Variants in SH3BP4 observed in about 807,000 individuals in gnomAD.
SH3BP4 encodes the protein SH3 domain binding protein 4, also known as SH3 domain-binding protein 4.
SH3BP4 carries 33 observed loss-of-function variants against 65.5 expected under a neutral mutation model. That is an observed-to-expected ratio of 0.50 (90% confidence interval 0.38 to 0.67). The LOEUF is 0.67. Ranked by LOEUF, SH3BP4 falls within the 30% of genes least tolerant of loss-of-function variation. The pLI is 0.00. For missense variants in SH3BP4, 1,134 were observed against 1,261.4 expected (o/e 0.90, Z 1.53); for synonymous variants, 552 against 545.5 (o/e 1.01, Z -0.17).
At chr2:234,975,286 C>T (rs1414532690) in intron 1 of SH3BP4, among the ~76,000 whole-genome samples, 1 of 152,138 alleles carries the variant, frequency 6.6e-6, no homozygotes, top group Non-Finnish European at 1.5e-5. Context: ...GGTGCTATGG[C>T]TGGAGCTGCT....
chr2:235,020,911 G>A (rs144759676), intron 2 of SH3BP4, among the ~76,000 whole-genome samples: 38 of 152,296 alleles, frequency 2.5e-4, no homozygotes, highest in Non-Finnish European at 4.6e-4. Context: ...TCTAGGCAGA[G>A]TGTCCCACCC....
At chr2:234,988,591 T>C (rs1478674344) in intron 1 of SH3BP4, among the ~76,000 whole-genome samples, 1 of 152,116 alleles carries the variant, frequency 6.6e-6, no homozygotes, top group African/African-American at 2.4e-5. Flanking sequence ...TGTCTCATTG[T>C]CCTCCCGTCT....
In SH3BP4 at chr2:235,030,315, T is replaced by C. The variant is rs1017612693; in HGVS notation, c.-132-4556T>C. ...AGTTAGCAAGACTGGGAGCAGAGAG[T>C]GTTTTGTCAGGCTCACATCTTGGCT... On this transcript the variant is annotated intron_variant, in intron 2 of 5. Coordinates refer to ENST00000392011, the MANE Select transcript of SH3BP4 (RefSeq NM_014521.3). The surrounding 1 kb of genome is among the most constrained non-coding windows in gnomAD (Gnocchi z 4.1). Among the ~76,000 whole-genome samples, 1 of 151,506 alleles carries C rather than the reference T, an allele frequency of 6.6e-6. No homozygotes were observed. Among genetic ancestry groups the C allele is most frequent in the African/African-American group, 2.4e-5 (1 of 41,220 alleles).
intron 2 of SH3BP4, among the ~76,000 whole-genome samples, chr2:235,010,678 G>C (rs1334425583): frequency 6.6e-6 from 1 of 152,172 alleles, no homozygotes; most frequent in Non-Finnish European, 1.5e-5. Flanking sequence ...GCTGGAGCCT[G>C]AAAGCAAGAT....
Position 235,052,617 on chromosome 2 carries a change from T to TA in SH3BP4, c.2534_2535insA (p.Leu846AlafsTer17). 1 of 1,562,644 alleles carries TA rather than the reference T, an allele frequency of 6.4e-7. No individual in the cohort carries two copies. Among genetic ancestry groups the TA allele is most frequent in the Non-Finnish European group, 8.7e-7 (1 of 1,153,852 alleles). ...GTGGTCAGACTCATCCAGGACTTTG[T>TA]GCTCCTGACCACGGCTGTAGAGGTG... On this transcript the variant is annotated frameshift_variant, in exon 5 of 6. Transcript: ENST00000392011. LOFTEE classifies it high-confidence loss of function. This position sits in a 1 kb window ranked among gnomAD's most constrained non-coding sequence, Gnocchi z 5.0.
At chr2:235,010,467 T>C (rs1559242679) in intron 2 of SH3BP4, among the ~76,000 whole-genome samples, 11 of 152,154 alleles carry the variant, frequency 7.2e-5, no homozygotes, top group Non-Finnish European at 2.9e-5. Context: ...ATTTGTGAAA[T>C]AGAGGTCATA....
At chr2:235,027,446 C>T (rs1227409119) in intron 2 of SH3BP4, among the ~76,000 whole-genome samples, 6 of 149,662 alleles carry the variant, frequency 4.0e-5, no homozygotes, top group South Asian at 2.2e-4. Flanking sequence ...CCTGCTGGGG[C>T]GGAATGTCTG....
chr2:235,038,307 A>AT (rs1695479030), intron 3 of SH3BP4, among the ~76,000 whole-genome samples: 5 of 14,236 alleles, frequency 3.5e-4, no homozygotes, highest in African/African-American at 1.9e-3. Context: ...TATTATATAT[A>AT]TATATTATAT....
chr2:234,985,425 C>T (rs748876855), intron 1 of SH3BP4, among the ~76,000 whole-genome samples: 1 of 152,172 alleles, frequency 6.6e-6, no homozygotes, highest in South Asian at 2.1e-4. Flanking sequence ...CGCATCTCAC[C>T]TGCATACACA....
Position 234,977,248 on chromosome 2 carries a change from G to T in SH3BP4, c.-206-18055G>T, listed in dbSNP as rs114910072. Among the ~76,000 whole-genome samples, 1,558 of 152,308 alleles carry T rather than the reference G, an allele frequency of 0.01. 28 individuals are homozygous for T. The highest frequency in any genetic ancestry group is 0.035 in the African/African-American group (1,473 of 41,586). ...ACTGGGCACCTCCTGCCGGGGAGAA[G>T]CTCAGGGTCCCCATTTCCTGGCCGG... is the stretch of plus-strand genomic sequence containing the variant. On this transcript the variant is annotated intron_variant, in intron 1 of 5. Transcript: ENST00000392011. The surrounding 1 kb of genome is among the most constrained non-coding windows in gnomAD (Gnocchi z 5.1).
chr2:235,003,142 C>T lies in SH3BP4; in HGVS notation c.-133+7766C>T, dbSNP rs188086226. On this transcript the variant is annotated intron_variant, in intron 2 of 5. Coordinates refer to ENST00000392011, the MANE Select transcript of SH3BP4 (RefSeq NM_014521.3). ...TATCACACGTGAATAGGCTTCTGAT[C>T]GAATAAGCCCAGGGCTTCGGTGGAT... 3.5e-3 allele frequency among the ~76,000 whole-genome samples: 534 copies of T among 152,354 alleles called. 4 individuals carry two copies. Among genetic ancestry groups the T allele is most frequent in the African/African-American group, 0.012 (514 of 41,592 alleles).
rs567784108 is a variant in SH3BP4, at chr2:235,022,692, G to A, written c.-132-12179G>A. The stretch of plus-strand genomic sequence containing the variant: ...AGTTAGGGGTGAGAACTGGACACCC[G>A]CCGCTGTTGAGAGGATGGATTGTCA... On this transcript the variant is annotated intron_variant, in intron 2 of 5. Transcript: ENST00000392011. Among the ~76,000 whole-genome samples the A allele has an allele frequency of 3.9e-5, 6 of 152,212 alleles. No homozygotes were observed. The South Asian group carries it at 6.2e-4, about 16-fold the overall frequency.
In SH3BP4 at chr2:235,042,811, A is replaced by ATCC. The variant is rs1172587491; in HGVS notation, c.2042_2043insTCC (p.Asp681_Gly682insPro). ...TACCTGCTGGAGTACAAGAAGGGCG[A>ATCC]CGGGATCGCCCTGCTCAGCGAGGAG... On this transcript the variant is annotated inframe_insertion, in exon 4 of 6. Transcript: ENST00000392011. This position sits in a 1 kb window ranked among gnomAD's most constrained non-coding sequence, Gnocchi z 7.3. 2 of 1,614,028 alleles carry ATCC rather than the reference A, an allele frequency of 1.2e-6. No homozygotes were observed. The highest frequency in any genetic ancestry group is 2.7e-5 in the African/African-American group (2 of 75,058).
chr2:234,976,989 G>A lies in SH3BP4; in HGVS notation c.-206-18314G>A, dbSNP rs1226592897. Among the ~76,000 whole-genome samples, 3 of 152,200 alleles carry A rather than the reference G, an allele frequency of 2.0e-5. No individual in the cohort carries two copies. Among genetic ancestry groups the A allele is most frequent in the Non-Finnish European group, 4.4e-5 (3 of 68,032 alleles). On this transcript the variant is annotated intron_variant, in intron 1 of 5. Coordinates refer to ENST00000392011, the MANE Select transcript of SH3BP4 (RefSeq NM_014521.3). This position sits in a 1 kb window ranked among gnomAD's most constrained non-coding sequence, Gnocchi z 4.7. ...CTTTATTGTTTGATGATAGTGCACC[G>A]ACATCCATTGTGACAAAGGTGCCGT... is the stretch of plus-strand genomic sequence containing the variant.
chr2:234,970,348 T>C (rs369580071), intron 1 of SH3BP4, among the ~76,000 whole-genome samples: 1 of 152,244 alleles, frequency 6.6e-6, no homozygotes, highest in Non-Finnish European at 1.5e-5. Context: ...TTAAAGATAC[T>C]GCTCAGGTCC....
intron 1 of SH3BP4, among the ~76,000 whole-genome samples, chr2:234,971,144 A>C (rs966472184): frequency 3.3e-5 from 5 of 152,158 alleles, no homozygotes; most frequent in African/African-American, 1.2e-4. Flanking sequence ...GCAGAATGAA[A>C]ATTCTGTACC....
chr2:235,032,550 A>G (rs956267766), intron 2 of SH3BP4, among the ~76,000 whole-genome samples: 1 of 152,202 alleles, frequency 6.6e-6, no homozygotes, highest in African/African-American at 2.4e-5. Flanking sequence ...GCCTCCAAGC[A>G]GCCCGGGGGC....
chr2:234,982,961 G>A (rs1435048024), intron 1 of SH3BP4, among the ~76,000 whole-genome samples: 2 of 152,226 alleles, frequency 1.3e-5, no homozygotes, highest in Admixed American at 6.5e-5. Context: ...GAGAGATGCA[G>A]CTGAGACCAG....
intron 1 of SH3BP4, among the ~76,000 whole-genome samples, chr2:234,990,411 C>T (rs1278724565): frequency 2.6e-5 from 4 of 152,208 alleles, no homozygotes; most frequent in Non-Finnish European, 5.9e-5. Context: ...TACTCAACAC[C>T]AGCCTAACAT....
Sources: gnomAD v4.1 joint callset for allele counts (sites outside exome capture counted in the v4.1 genomes callset) on GRCh38, gnomAD v4.1.1 for gene constraint, Gnocchi (gnomAD v3.1) non-coding constraint, MANE v1.5 for transcripts, NCBI Gene and HGNC (gene_info 2026-07-23, HGNC 2026-07-21) for gene names.